The following VPS13D variants were observed in gnomAD, a reference collection of about 807,000 sequenced individuals.
VPS13D encodes vacuolar protein sorting 13 homolog D.
A neutral mutation model predicts 461.9 loss-of-function variants in VPS13D; 187 were observed. The ratio of observed to expected loss-of-function variants is 0.40; its 90% CI spans 0.36 to 0.46. The LOEUF (loss-of-function observed/expected upper bound fraction) is 0.46, where lower values mean the gene tolerates loss of function less well. Among genes scored for constraint, VPS13D ranks in the 20% least tolerant of loss-of-function variants. The pLI is 0.60. For synonymous variants in VPS13D, 1,951 were observed against 1,986.3 expected, an observed-to-expected ratio of 0.98 and a Z score of 0.47; for missense variants, 4,711 against 5,364.9, an observed-to-expected ratio of 0.88 and a Z score of 3.81.
intron 54 of VPS13D, among the ~76,000 whole-genome samples, chr1:12,370,677 T>C (rs1644103468): frequency 6.6e-6 from 1 of 152,212 alleles, no homozygotes; most frequent in Non-Finnish European, 1.5e-5. Flanking sequence ...TGAGTCAATA[T>C]GTTTGTTTGT....
intron 46 of VPS13D, among the ~76,000 whole-genome samples, chr1:12,353,145 A>G (rs1204615131): frequency 1.3e-5 from 2 of 152,140 alleles, no homozygotes; most frequent in Non-Finnish European, 2.9e-5. Context: ...ACAGCAATTT[A>G]TTCATAACCA....
chr1:12,455,218 C>T (rs972286852), intron 65 of VPS13D, among the ~76,000 whole-genome samples: 6 of 152,178 alleles, frequency 3.9e-5, no homozygotes, highest in Non-Finnish European at 8.8e-5. Flanking sequence ...AGCTTGGCAC[C>T]TCATAGGTAC....
At position 12,379,610 on chromosome 1, in the gene VPS13D, G is replaced by T; in HGVS notation, c.11190+14G>T. 6.3e-7 allele frequency: 1 copy of T among 1,599,632 alleles called. No individual in the cohort carries two copies. The highest frequency in any genetic ancestry group is 1.1e-5 in the South Asian group (1 of 90,102). On this transcript the variant is annotated intron_variant, in intron 57 of 69. Transcript: ENST00000620676. ...TTGGTCGTCCAGGTCAGTCGTTTTT[G>T]ATCCCCAATTGCAGCAAGCAGTGGT...
chr1:12,476,863 C>T (rs1437955353), intron 67 of VPS13D, among the ~76,000 whole-genome samples: 3 of 152,194 alleles, frequency 2.0e-5, no homozygotes, highest in African/African-American at 7.2e-5. Flanking sequence ...CTTACCAGCT[C>T]CAAACACAGT....
At chr1:12,346,552 G>A (rs978443061) in intron 43 of VPS13D, 53 bp from the exon 44 acceptor site, 42 of 1,576,048 alleles carry the variant, frequency 2.7e-5, no homozygotes, top group South Asian at 5.8e-5. Flanking sequence ...TGAATTTAAC[G>A]TTGCTAATTA....
Position 12,349,001 on chromosome 1 carries a change from A to G in VPS13D, c.9220+28A>G, listed in dbSNP as rs758543584. On this transcript the variant is annotated intron_variant, in intron 45 of 69. Transcript: ENST00000620676. ...ATGTTTTGATTGTCTAGCATATAGT[A>G]AATGCTGATAAATACTTCTTGACTG... 1.2e-5 allele frequency: 20 copies of G among 1,613,640 alleles called. No individual in the cohort carries two copies. The Admixed American group carries it at 3.3e-4, about 27-fold the overall frequency.
intron 57 of VPS13D, among the ~76,000 whole-genome samples, chr1:12,381,432 G>A (rs552871756): frequency 6.6e-6 from 1 of 152,244 alleles, no homozygotes; most frequent in Admixed American, 6.5e-5. Flanking sequence ...CTGTAGACTC[G>A]ATTTACTTGG....
At chr1:12,484,375 G>T (rs1645768402) in intron 67 of VPS13D, among the ~76,000 whole-genome samples, 1 of 152,066 alleles carries the variant, frequency 6.6e-6, no homozygotes, top group Non-Finnish European at 1.5e-5. Context: ...CAATTGGATT[G>T]TGAGTTTGTT....
intron 67 of VPS13D, among the ~76,000 whole-genome samples, chr1:12,487,349 C>T (rs577701789): frequency 6.1e-4 from 93 of 152,254 alleles, no homozygotes; most frequent in African/African-American, 2.1e-3. Context: ...GTGGCTCACG[C>T]CTGTAATCCC....
intron 63 of VPS13D, among the ~76,000 whole-genome samples, chr1:12,406,936 A>C (rs1244010180): frequency 2.6e-5 from 4 of 152,196 alleles, no homozygotes; most frequent in African/African-American, 9.7e-5. Context: ...TAATGGTCAG[A>C]GTGAGAGGGT....
chr1:12,494,501 T>C lies in VPS13D; in HGVS notation c.12663-2999T>C, dbSNP rs553409205. On this transcript the variant is annotated intron_variant, in intron 67 of 69. Transcript: ENST00000620676. ...CCTTTACTCCCATTCTCAACTATTC[T>C]GGAGCTGTCATGAGATTAAATTTTT... Among the ~76,000 whole-genome samples the C allele has an allele frequency of 7.4e-4, 113 of 152,332 alleles. 1 individual carries two copies. The highest frequency in any genetic ancestry group is 1.4e-3 in the Non-Finnish European group (98 of 68,014).
At chr1:12,240,409 A>G (rs1640306821) in intron 2 of VPS13D, among the ~76,000 whole-genome samples, 2 of 152,026 alleles carry the variant, frequency 1.3e-5, no homozygotes, top group Non-Finnish European at 2.9e-5. Flanking sequence ...AGCCTGATCA[A>G]TATGGTGAAA....
At chr1:12,491,950 G>A (rs540904245) in intron 67 of VPS13D, among the ~76,000 whole-genome samples, 1 of 152,358 alleles carries the variant, frequency 6.6e-6, no homozygotes, top group African/African-American at 2.4e-5. Context: ...AAGGTTTGTG[G>A]AGGCAGAGTT....
chr1:12,414,824 C>A (rs1302337182), intron 63 of VPS13D, among the ~76,000 whole-genome samples: 1 of 152,116 alleles, frequency 6.6e-6, no homozygotes. Flanking sequence ...ACAAAACAGA[C>A]TAAAAGGAAT....
chr1:12,357,306 C>T (rs774483325), intron 49 of VPS13D, among the ~76,000 whole-genome samples: 2 of 151,668 alleles, frequency 1.3e-5, no homozygotes, highest in African/African-American at 2.4e-5. Context: ...TGTAGATTAC[C>T]GTTTGAGGCA....
At chr1:12,393,279 A>G (rs1169919370) in intron 60 of VPS13D, among the ~76,000 whole-genome samples, 2 of 152,254 alleles carry the variant, frequency 1.3e-5, no homozygotes, top group East Asian at 3.8e-4. Flanking sequence ...AAAAGCAATC[A>G]AGGTCTCTCC....
At chr1:12,346,986 G>T (rs1329885297) in intron 44 of VPS13D, among the ~76,000 whole-genome samples, 1 of 152,214 alleles carries the variant, frequency 6.6e-6, no homozygotes, top group Non-Finnish European at 1.5e-5. Flanking sequence ...CAAAGGTCAT[G>T]AAAGTAAATA....
At chr1:12,436,223 G>A (rs1171955669) in intron 65 of VPS13D, among the ~76,000 whole-genome samples, 1 of 152,228 alleles carries the variant, frequency 6.6e-6, no homozygotes, top group African/African-American at 2.4e-5. Context: ...GTCTGTGGGG[G>A]TTCCTGTAGG....
intron 67 of VPS13D, among the ~76,000 whole-genome samples, chr1:12,462,757 C>T (rs1006322425): frequency 1.3e-5 from 2 of 152,222 alleles, no homozygotes; most frequent in Non-Finnish European, 2.9e-5. Context: ...TTTACTATTA[C>T]CTGCACACTG....
Sources: gnomAD v4.1 joint callset for allele counts (sites outside exome capture counted in the v4.1 genomes callset) on GRCh38, gnomAD v4.1.1 for gene constraint, MANE v1.5 for transcripts, NCBI Gene and HGNC (gene_info 2026-07-23, HGNC 2026-07-21) for gene names.